The following RSKR variants were observed in gnomAD, a reference collection of about 807,000 sequenced individuals.
RSKR encodes ribosomal protein S6 kinase-related protein.
A neutral mutation model predicts 56.8 loss-of-function variants in RSKR; 44 were observed. The observed-to-expected ratio is 0.77, with a 90% CI of 0.61 to 1.00. The LOEUF (loss-of-function observed/expected upper bound fraction) is 1.00. RSKR is among the 50% of genes least tolerant of loss of function. The pLI is 0.00. For synonymous variants in RSKR, 181 were observed against 188.0 expected (o/e 0.96, Z 0.30); for missense variants, 510 against 506.9 (o/e 1.01, Z -0.06).
Position 28,610,685 on chromosome 17 carries a change from G to A in RSKR, c.1026C>T (p.Asn342=). ...SLLLHELLCQ[N]PLHRLRYLHH... Reference sequence around the variant, plus strand: ...GCAGATAACGTAGACGATGGAGGGGGTTCTGGCATAAGAGCTGAAGGAAAA... The same window carrying A: ...GCAGATAACGTAGACGATGGAGGGGATTCTGGCATAAGAGCTGAAGGAAAA... Residue 342 remains asparagine (N), a synonymous_variant, in exon 12 of 12, where the codon AAC becomes AAT. Coordinates refer to ENST00000301037, the MANE Select transcript of RSKR (RefSeq NM_001174103.2). The A allele has an allele frequency of 6.5e-7, 1 of 1,536,194 alleles. No individual in the cohort carries two copies. The highest frequency in any genetic ancestry group is 8.7e-7 in the Non-Finnish European group (1 of 1,146,914).
chr17:28,613,976 C>T, intron 1 of RSKR, 111 bp downstream of exon 1: 1 of 1,402,236 alleles, frequency 7.1e-7, no homozygotes, highest in Non-Finnish European at 9.8e-7. Flanking sequence ...CTCCCTGCCC[C>T]ACCCCCACAT....
rs376698582 is a variant in RSKR, at chr17:28,611,839, A to G, written c.694-44T>C. ...GAAGTAATTCTTCCTCTTCCTTTCA[A>G]CTCTCTTTCATCATGTATACACCCC... is the stretch of plus-strand genomic sequence containing the variant. On this transcript the variant is annotated intron_variant, in intron 7 of 11. Transcript: ENST00000301037. 3.1e-6 allele frequency: 5 copies of G among 1,613,488 alleles called. No individual in the cohort carries two copies. The African/African-American group carries it at 6.7e-5, about 22-fold the overall frequency.
chr17:28,613,365 A>G lies in RSKR; in HGVS notation c.325-20T>C, dbSNP rs1249428843. 1 of 1,614,222 alleles carries G rather than the reference A, an allele frequency of 6.2e-7. No individual in the cohort carries two copies. Among genetic ancestry groups the G allele is most frequent in the South Asian group, 1.1e-5 (1 of 91,090 alleles). ...TAAAATCTGTACAGAGGAATGGAGA[A>G]CAGGCCAGTTGAGACTGGTCATTTT... On this transcript the variant is annotated intron_variant, in intron 2 of 11. Coordinates refer to ENST00000301037, the MANE Select transcript of RSKR (RefSeq NM_001174103.2).
At chr17:28,611,030 G>T in intron 11 of RSKR, 113 bp downstream of exon 11, 1 of 952,424 alleles carries the variant, frequency 1.0e-6, no homozygotes, top group Non-Finnish European at 1.6e-6. Context: ...AGGTAGTTAA[G>T]TTGGAGCCCC....
chr17:28,610,902 G>C lies in RSKR; in HGVS notation c.1012-203C>G, dbSNP rs570737854. 711 of 663,760 alleles carry C rather than the reference G, an allele frequency of 1.1e-3. 1 individual carries two copies. The highest frequency in any genetic ancestry group is 1.7e-3 in the Non-Finnish European group (670 of 395,668). 41.1% of individuals were successfully genotyped at this position (663,760 alleles called of 1,614,324 possible). On this transcript the variant is annotated intron_variant, in intron 11 of 11. Coordinates refer to ENST00000301037, the MANE Select transcript of RSKR (RefSeq NM_001174103.2). ...AAGGAGCTGTGCTTGTGAGTTTTCA[G>C]ATGAGTGTACAGTGTTCCACTCTCT...
rs2070815887 is a variant in RSKR, at chr17:28,611,626, GACAGACCAAAGTCTGTC to G, written c.735_751del (p.Thr246ProfsTer34). ...TTGAGCTCCCTGGGGCACGTGGCGGGACAGACCAAAGTCTGTCAGTTTCAGATGGCCTATGAAAGAAG... is the reference window on the plus strand; with the variant it reads ...TTGAGCTCCCTGGGGCACGTGGCGGGAGTTTCAGATGGCCTATGAAAGAAG... On this transcript the variant is annotated frameshift_variant, in exon 9 of 12. Coordinates refer to ENST00000301037, the MANE Select transcript of RSKR (RefSeq NM_001174103.2). LOFTEE classifies it high-confidence loss of function. The G allele has an allele frequency of 6.3e-7, 1 of 1,577,866 alleles. No homozygotes were observed. The highest frequency in any genetic ancestry group is 2.2e-5 in the East Asian group (1 of 44,780).
chr17:28,614,104 C>G lies in RSKR; in HGVS notation c.58G>C (p.Val20Leu), dbSNP rs531867479. 2 of 1,613,660 alleles carry G rather than the reference C, an allele frequency of 1.2e-6. No individual in the cohort carries two copies. Among genetic ancestry groups the G allele is most frequent in the East Asian group, 2.2e-5 (1 of 44,886 alleles). ...QHTQQGEHTR[V>L]AVPHKQGGNI... Reference sequence around the variant, plus strand: ...CAGCCTACCTTGTGAGGGACAGCCACCCGGGTGTGTTCCCCCTGCTGGGTG... The same window carrying G: ...CAGCCTACCTTGTGAGGGACAGCCAGCCGGGTGTGTTCCCCCTGCTGGGTG... Residue 20 changes from valine to leucine, a missense_variant, in exon 1 of 12, where the codon GTG (valine) becomes CTG (leucine). Transcript: ENST00000301037.
At chr17:28,613,759 C>A in intron 1 of RSKR, 71 bp from the exon 2 acceptor site, 1 of 1,587,594 alleles carries the variant, frequency 6.3e-7, no homozygotes, top group Non-Finnish European at 8.6e-7. Flanking sequence ...TCTTACTAGG[C>A]ACTCCCTCCC....
intron 4 of RSKR, 131 bp from the exon 5 acceptor site, chr17:28,612,818 A>T: frequency 1.1e-6 from 1 of 878,794 alleles, no homozygotes; most frequent in Non-Finnish European, 1.8e-6. Context: ...GAGGAACTCA[A>T]TATTTGGAAC....
chr17:28,612,477 C>A (rs1296663487), intron 5 of RSKR, 111 bp from the exon 6 acceptor site: 1 of 1,371,068 alleles, frequency 7.3e-7, no homozygotes, highest in African/African-American at 1.4e-5. Context: ...CTGATACCAC[C>A]TGCTGTTCCC....
Position 28,611,473 on chromosome 17 carries a change from C to T in RSKR, c.820G>A (p.Val274Ile). 6.3e-7 allele frequency: 1 copy of T among 1,599,782 alleles called. No homozygotes were observed. ...TGGTTGTAAGGTCCTCCACTTAGGA[C>T]CTCTGGGGCTACAGATTTCAAAGAT... The part of the protein sequence containing the change: ...CGTLQYMAPE[V>I]LSGGPYNHAA... Residue 274 changes from valine (V) to isoleucine (I), a missense_variant, in exon 10 of 12, where the codon GTC (valine) becomes ATC (isoleucine). Coordinates refer to ENST00000301037, the MANE Select transcript of RSKR (RefSeq NM_001174103.2).
At chr17:28,611,540 T>G (rs767265555) in intron 9 of RSKR, 27 bp downstream of exon 9, 53 of 1,561,332 alleles carry the variant, frequency 3.4e-5, no homozygotes, top group Non-Finnish European at 4.5e-5. Flanking sequence ...TGCCCAATGC[T>G]TACCCATCAG....
rs372339721 is a variant in RSKR at position 28,613,068 on chromosome 17, C to A, written c.477+10G>T. 6.2e-7 allele frequency: 1 copy of A among 1,613,844 alleles called. No individual in the cohort carries two copies. The highest frequency in any genetic ancestry group is 8.5e-7 in the Non-Finnish European group (1 of 1,179,862). On this transcript the variant is annotated intron_variant, in intron 4 of 11. Coordinates refer to ENST00000301037, the MANE Select transcript of RSKR (RefSeq NM_001174103.2). ...TCTTCCCACAATCCTTTCCAGGACT[C>A]TGTGCATACCTGGATGCTAACCTCC...
intron 5 of RSKR, 79 bp from the exon 6 acceptor site, chr17:28,612,445 C>T: frequency 1.4e-6 from 2 of 1,472,092 alleles, no homozygotes; most frequent in Non-Finnish European, 9.4e-7. Context: ...GGGCTCAAGG[C>T]ATTGTAGGCC....
In RSKR at chr17:28,613,479, C is replaced by G. The variant is rs1270934821; in HGVS notation, c.285G>C (p.Glu95Asp). 6.2e-7 allele frequency: 1 copy of G among 1,613,690 alleles called. No individual in the cohort carries two copies. Among genetic ancestry groups the G allele is most frequent in the South Asian group, 1.1e-5 (1 of 91,072 alleles). The change falls in exon 2 of 12, where the codon GAG becomes GAC. Residue 95 changes from glutamate (E) to aspartate (D), a missense_variant. By Grantham distance (45) the Glu-to-Asp change is conservative. Coordinates refer to ENST00000301037, the MANE Select transcript of RSKR (RefSeq NM_001174103.2). ...VPQFINLFLPEFPIRPIRGQQ... is the reference protein window; with the variant it reads ...VPQFINLFLPDFPIRPIRGQQ... ...GCCCCCTAATGGGCCTAATGGGAAA[C>G]TCTGGTAGAAAGAGGTTGATGAACT...
chr17:28,612,617 C>T lies in RSKR; in HGVS notation c.547+1G>A, dbSNP rs1291840153. ...GATGAGGAGAGAGTCCAGTCACTCA[C>T]TAATGAAAAGGTGCCGTTTTCCCTG... On this transcript the variant is annotated splice_donor_variant, in intron 5 of 11. Coordinates refer to ENST00000301037, the MANE Select transcript of RSKR (RefSeq NM_001174103.2). LOFTEE classifies it high-confidence loss of function. The T allele has an allele frequency of 1.2e-6, 2 of 1,614,092 alleles. No individual in the cohort carries two copies. The highest frequency in any genetic ancestry group is 8.5e-7 in the Non-Finnish European group (1 of 1,179,970).
In RSKR at chr17:28,612,248, ACT is replaced by A. The variant is rs1240014568; in HGVS notation, c.652+12_652+13del. 7 of 1,612,842 alleles carry A rather than the reference ACT, an allele frequency of 4.3e-6. No homozygotes were observed. In the Admixed American group the frequency reaches 1.2e-4, roughly 27 times the overall value. On this transcript the variant is annotated intron_variant, in intron 6 of 11. Transcript: ENST00000301037. ...ATCTTCCCTCCCCATTTCCTTTACC[ACT>A]GTTTCACTTACACAGTACCAGCACC...
chr17:28,608,131 A>C lies in RSKR; in HGVS notation c.*2347T>G, dbSNP rs2070767788. ...CAAGAACATGACTAGCATACAAAAT[A>C]CATAAACACTTGCTGAAGGTAGACC... On this transcript the variant is annotated 3_prime_UTR_variant, in exon 12 of 12. Transcript: ENST00000301037. 6.6e-6 allele frequency: 1 copy of C among 152,230 alleles called. No individual in the cohort carries two copies. The highest frequency in any genetic ancestry group is 6.5e-5 in the Admixed American group (1 of 15,274). 9.4% of individuals were successfully genotyped at this position (152,230 alleles called of 1,614,324 possible). A position where few individuals can be genotyped will look rare whatever the true frequency, so the allele number is the denominator to read the frequency against.
At position 28,609,095 on chromosome 17, in the gene RSKR, A is replaced by G. The variant is rs1317768067; in HGVS notation, c.*1383T>C. The G allele has an allele frequency of 7.3e-6, 1 of 137,928 alleles. No individual in the cohort carries two copies. The highest frequency in any genetic ancestry group is 2.1e-4 in the East Asian group (1 of 4,804). 8.5% of individuals were successfully genotyped at this position (137,928 alleles called of 1,614,324 possible). On this transcript the variant is annotated 3_prime_UTR_variant, in exon 12 of 12. Transcript: ENST00000301037. ...TCTACCTCTGTCACCCAGGAGTTCA[A>G]TGGCACAATCTTGGCTCACTGCAAC...
Sources: allele counts gnomAD v4.1 joint callset, GRCh38; gene constraint gnomAD v4.1.1; transcripts MANE v1.5; gene names NCBI Gene and HGNC (gene_info 2026-07-23, HGNC 2026-07-21).